Variants in LRRK2 observed in about 807,000 individuals in gnomAD.
LRRK2 encodes the protein leucine-rich repeat serine/threonine-protein kinase 2.
LRRK2 carries 203 observed loss-of-function variants against 302.6 expected under a neutral mutation model. The observed-to-expected ratio is 0.67, with a 90% CI of 0.60 to 0.75. The LOEUF (loss-of-function observed/expected upper bound fraction) is 0.75, where lower values mean the gene tolerates loss of function less well. LRRK2 is among the 30% of genes least tolerant of loss of function. The probability of loss-of-function intolerance (pLI) is 0.00; values close to 1 mark genes in which losing one functional copy is unlikely to be tolerated. For synonymous variants in LRRK2, 1,066 were observed against 1,031.9 expected, an observed-to-expected ratio of 1.03 and a Z score of -0.63; for missense variants, 2,830 against 2,951.0, an observed-to-expected ratio of 0.96 and a Z score of 0.95.
At chr12:40,261,371 CT>C (rs1425274562) in intron 13 of LRRK2, among the ~76,000 whole-genome samples, 1 of 151,970 alleles carries the variant, frequency 6.6e-6, no homozygotes, top group East Asian at 1.9e-4. Flanking sequence ...TACAGTATTT[CT>C]TTTCTTTTAT....
At chr12:40,275,122 A>T in intron 16 of LRRK2, 129 bp downstream of exon 16, 1 of 1,026,808 alleles carries the variant, frequency 9.7e-7, no homozygotes. Flanking sequence ...CTTTTGTAGT[A>T]TTTTAATTAT....
chr12:40,293,894 C>CATATATATGTATATATAT (rs1491426750), intron 21 of LRRK2, among the ~76,000 whole-genome samples: 9 of 70,556 alleles, frequency 1.3e-4, no homozygotes, highest in African/African-American at 4.6e-4. Flanking sequence ...TTTTTTGGGG[C>CATATATATGTATATATAT]ACATATATAT....
chr12:40,298,642 C>T (rs1944473079), intron 24 of LRRK2, 149 bp downstream of exon 24: 7 of 975,860 alleles, frequency 7.2e-6, no homozygotes, highest in Admixed American at 6.6e-5. Flanking sequence ...CGTGGTGGTG[C>T]GCACCTTATA....
At chr12:40,338,863 G>T (rs1945951580) in intron 40 of LRRK2, among the ~76,000 whole-genome samples, 1 of 152,164 alleles carries the variant, frequency 6.6e-6, no homozygotes, top group South Asian at 2.1e-4. Flanking sequence ...TTTCTCTTCA[G>T]CAGGGGAAGA....
At chr12:40,262,731 C>T (rs1394006447) in intron 13 of LRRK2, among the ~76,000 whole-genome samples, 1 of 151,918 alleles carries the variant, frequency 6.6e-6, no homozygotes, top group African/African-American at 2.4e-5. Context: ...TAAATAAGAC[C>T]CATTACATGT....
chr12:40,259,608 A>C lies in LRRK2; in HGVS notation c.1543+4A>C. 1 of 1,612,906 alleles carries C rather than the reference A, an allele frequency of 6.2e-7. No homozygotes were observed. The highest frequency in any genetic ancestry group is 8.5e-7 in the Non-Finnish European group (1 of 1,179,110). On this transcript the variant is annotated splice_donor_region_variant and intron_variant, in intron 13 of 50. Coordinates refer to ENST00000298910, the MANE Select transcript of LRRK2 (RefSeq NM_198578.4). ...ATTTTACATTTTATAGTGCCTGGTA[A>C]GTTACATAGTTGATTGTGGGAAGAG... is the stretch of plus-strand genomic sequence containing the variant.
At chr12:40,301,088 T>G (rs1294848022) in intron 25 of LRRK2, 1 of 456,978 alleles carries the variant, frequency 2.2e-6, no homozygotes, top group South Asian at 1.5e-5. Context: ...ATTATCTTGT[T>G]GTGAAAGTTT....
chr12:40,233,686 A>G (rs11175663), intron 3 of LRRK2, among the ~76,000 whole-genome samples: 2,157 of 152,332 alleles, frequency 0.014, 46 homozygotes, highest in African/African-American at 0.047. Flanking sequence ...GGTTTGGGTG[A>G]TAATTTCCAG....
chr12:40,250,004 A>G (rs909201866), intron 8 of LRRK2, 59 bp downstream of exon 8: 31 of 1,594,224 alleles, frequency 1.9e-5, no homozygotes, highest in Non-Finnish European at 2.3e-5. Context: ...AAATATGAAC[A>G]TTGTAACAAG....
At chr12:40,266,140 A>G (rs1433703845) in intron 14 of LRRK2, among the ~76,000 whole-genome samples, 1 of 152,102 alleles carries the variant, frequency 6.6e-6, no homozygotes, top group Non-Finnish European at 1.5e-5. Flanking sequence ...ACAAAAGCCA[A>G]AATTGACAAA....
chr12:40,231,026 T>C (rs1434503297), intron 2 of LRRK2, among the ~76,000 whole-genome samples: 2 of 152,190 alleles, frequency 1.3e-5, no homozygotes, highest in African/African-American at 4.8e-5. Context: ...GTCTATTTTA[T>C]AGAGCTCTTT....
rs537691825 is a variant in LRRK2, at chr12:40,330,326, C to A, written c.5757+1866C>A. ...AGGAATCTAGGCTTGAAACAATTTT[C>A]TTCAAAATTTGAAGAAAATTCCATT... is the stretch of plus-strand genomic sequence containing the variant. On this transcript the variant is annotated intron_variant, in intron 39 of 50. Coordinates refer to ENST00000298910, the MANE Select transcript of LRRK2 (RefSeq NM_198578.4). 1.8e-4 allele frequency among the ~76,000 whole-genome samples: 27 copies of A among 152,172 alleles called. No individual in the cohort carries two copies. In the South Asian group the frequency reaches 5.0e-3, roughly 28 times the overall value.
Position 40,335,023 on chromosome 12 carries a change from T to C in LRRK2, c.5814T>C (p.Ala1938=). 4 of 1,614,146 alleles carry C rather than the reference T, an allele frequency of 2.5e-6. No individual in the cohort carries two copies. The highest frequency in any genetic ancestry group is 3.4e-6 in the Non-Finnish European group (4 of 1,179,998). Residue 1938 remains alanine (A), a synonymous_variant, in exon 40 of 51, where the codon GCT becomes GCC. Coordinates refer to ENST00000298910, the MANE Select transcript of LRRK2 (RefSeq NM_198578.4). The part of the protein sequence containing the change: ...HHPSLISLLA[A]GIRPRMLVME... ...CCAGTTTGATATCTTTGCTGGCAGC[T>C]GGGATTCGTCCCCGGATGTTGGTGA...
At chr12:40,235,795 T>TC in intron 4 of LRRK2, 81 bp downstream of exon 4, 3 of 452,120 alleles carry the variant, frequency 6.6e-6, no homozygotes, top group Non-Finnish European at 1.1e-5. Flanking sequence ...GTGTGTGTGT[T>TC]TTTTTTTTTT....
chr12:40,283,013 G>A (rs146657076), intron 18 of LRRK2, among the ~76,000 whole-genome samples: 142 of 151,776 alleles, frequency 9.4e-4, no homozygotes, highest in Non-Finnish European at 1.6e-3. Flanking sequence ...TATAAAATGG[G>A]AGTAATAATT....
At chr12:40,351,514 T>G in intron 43 of LRRK2, 25 bp from the exon 44 acceptor site, 1 of 1,609,474 alleles carries the variant, frequency 6.2e-7, no homozygotes, top group Non-Finnish European at 8.5e-7. Flanking sequence ...ATAAGTACTG[T>G]TTTGTTATCT....
intron 20 of LRRK2, among the ~76,000 whole-genome samples, chr12:40,290,283 T>C (rs1347934945): frequency 6.6e-6 from 1 of 152,084 alleles, no homozygotes. Flanking sequence ...TTGGTTATGG[T>C]ACATTATCCT....
At chr12:40,348,926 A>C (rs180819448) in intron 43 of LRRK2, among the ~76,000 whole-genome samples, 2 of 152,066 alleles carry the variant, frequency 1.3e-5, no homozygotes, top group Admixed American at 1.3e-4. Flanking sequence ...TCTTAATTTT[A>C]ATATATATAA....
In LRRK2 at chr12:40,367,989, C is replaced by T. The variant is rs1946929969; in HGVS notation, c.*224C>T. ...ACAATGTTATATTTCTTATAAATACCAGTTACTTTCGTTCATTAATTAATG... is the reference window on the plus strand; with the variant it reads ...ACAATGTTATATTTCTTATAAATACTAGTTACTTTCGTTCATTAATTAATG... On this transcript the variant is annotated 3_prime_UTR_variant, in exon 51 of 51. Coordinates refer to ENST00000298910, the MANE Select transcript of LRRK2 (RefSeq NM_198578.4). 1 of 283,432 alleles carries T rather than the reference C, an allele frequency of 3.5e-6. No individual in the cohort carries two copies. The allele number at this position is 283,432 out of a possible 1,614,324, so 17.6% of individuals were successfully genotyped here.
Sources: gnomAD v4.1 joint callset for allele counts (sites outside exome capture counted in the v4.1 genomes callset) on GRCh38, gnomAD v4.1.1 for gene constraint, MANE v1.5 for transcripts, NCBI Gene and HGNC (gene_info 2026-07-23, HGNC 2026-07-21) for gene names.